The following CDH12 variants were observed in gnomAD, a reference collection of about 807,000 sequenced individuals.
CDH12 encodes the protein cadherin 12.
Under a neutral mutation model 74.1 loss-of-function variants are expected in CDH12, and 41 were observed. The ratio of observed to expected loss-of-function variants is 0.55; its 90% CI spans 0.43 to 0.72. The LOEUF (loss-of-function observed/expected upper bound fraction) is 0.72, where lower values mean the gene tolerates loss of function less well. Ranked by LOEUF, CDH12 falls within the 30% of genes least tolerant of loss-of-function variation. The pLI is 0.00. For synonymous variants in CDH12, 399 were observed against 355.0 expected (o/e 1.12, Z -1.39); for missense variants, 945 against 977.2 (o/e 0.97, Z 0.44).
At chr5:22,335,965 G>A (rs1739563814) in intron 3 of CDH12, among the ~76,000 whole-genome samples, 1 of 152,132 alleles carries the variant, frequency 6.6e-6, no homozygotes, top group South Asian at 2.1e-4. Context: ...ACTTCTTAGA[G>A]ACTTACTGAA....
intron 4 of CDH12, among the ~76,000 whole-genome samples, chr5:22,115,604 G>T (rs769590403): frequency 7.3e-5 from 11 of 151,160 alleles, no homozygotes; most frequent in Non-Finnish European, 1.3e-4. Flanking sequence ...CAATAAGTTT[G>T]ATATCAGGGC....
intron 1 of CDH12, among the ~76,000 whole-genome samples, chr5:22,807,918 T>C (rs1303964989): frequency 6.6e-6 from 1 of 152,156 alleles, no homozygotes; most frequent in African/African-American, 2.4e-5. Context: ...TGTACACTTA[T>C]GGGACATTCA....
chr5:22,468,079 AC>A (rs993004961), intron 2 of CDH12, among the ~76,000 whole-genome samples: 2 of 152,054 alleles, frequency 1.3e-5, no homozygotes, highest in Non-Finnish European at 2.9e-5. Context: ...AGGACCCAAT[AC>A]CCCCACCAGT....
At chr5:21,865,460 C>T (rs1433955694) in intron 6 of CDH12, among the ~76,000 whole-genome samples, 1 of 152,156 alleles carries the variant, frequency 6.6e-6, no homozygotes, top group Non-Finnish European at 1.5e-5. Context: ...CACCTCAAGG[C>T]TTCCTTTGCC....
chr5:21,974,153 G>A (rs150408206), intron 6 of CDH12, among the ~76,000 whole-genome samples: 635 of 152,238 alleles, frequency 4.2e-3, no homozygotes, highest in African/African-American at 0.015. Context: ...CTGGGTGGTG[G>A]TAGGAGCAGT....
At chr5:22,711,063 A>G (rs887181416) in intron 1 of CDH12, among the ~76,000 whole-genome samples, 2 of 137,054 alleles carry the variant, frequency 1.5e-5, no homozygotes, top group African/African-American at 5.2e-5. Flanking sequence ...TCCTTAGTAC[A>G]TTACGCAGTG....
chr5:22,070,216 A>C (rs1741853660), intron 5 of CDH12, among the ~76,000 whole-genome samples: 1 of 152,092 alleles, frequency 6.6e-6, no homozygotes, highest in South Asian at 2.1e-4. Context: ...AGATGAGTAA[A>C]CCCAAGGACT....
At chr5:22,267,616 T>C (rs1191023239) in intron 3 of CDH12, among the ~76,000 whole-genome samples, 1 of 152,178 alleles carries the variant, frequency 6.6e-6, no homozygotes, top group African/African-American at 2.4e-5. Context: ...AATGTATTTG[T>C]ATCATGCTCC....
At chr5:21,913,036 T>C (rs2150065132) in intron 6 of CDH12, among the ~76,000 whole-genome samples, 1 of 152,230 alleles carries the variant, frequency 6.6e-6, no homozygotes, top group South Asian at 2.1e-4. Flanking sequence ...AGATATGGGA[T>C]TTTACCATGT....
chr5:22,450,405 C>A (rs951149520), intron 2 of CDH12, among the ~76,000 whole-genome samples: 1 of 151,860 alleles, frequency 6.6e-6, no homozygotes, highest in Non-Finnish European at 1.5e-5. Context: ...AAAGTCTTCT[C>A]AATCTTGAAA....
chr5:22,577,675 T>C (rs1422338610), intron 1 of CDH12, among the ~76,000 whole-genome samples: 2 of 152,194 alleles, frequency 1.3e-5, no homozygotes, highest in Admixed American at 1.3e-4. Context: ...AGGGACATCA[T>C]GAGATAATTT....
At chr5:22,224,933 T>C (rs1236400400) in intron 3 of CDH12, among the ~76,000 whole-genome samples, 2 of 151,968 alleles carry the variant, frequency 1.3e-5, no homozygotes, top group Non-Finnish European at 2.9e-5. Flanking sequence ...TTTATATACA[T>C]TAATGTGTTT....
intron 1 of CDH12, among the ~76,000 whole-genome samples, chr5:22,813,948 T>C (rs1022945550): frequency 6.6e-6 from 1 of 152,124 alleles, no homozygotes; most frequent in Non-Finnish European, 1.5e-5. Flanking sequence ...GCAATAACTT[T>C]GTATTTTTTT....
chr5:21,840,995 A>T (rs1482415000), intron 8 of CDH12, among the ~76,000 whole-genome samples: 6 of 151,926 alleles, frequency 3.9e-5, no homozygotes, highest in Admixed American at 3.9e-4. Flanking sequence ...ACAAAAGCCA[A>T]AATTGACAAA....
chr5:22,327,712 GTCT>G (rs1209263071), intron 3 of CDH12, among the ~76,000 whole-genome samples: 2 of 152,122 alleles, frequency 1.3e-5, no homozygotes, highest in Admixed American at 6.5e-5. Flanking sequence ...TCTCTTTTCT[GTCT>G]TCTTCTTTTA....
rs1048524168 is a variant in CDH12, at chr5:21,976,700, T to C, written c.232-1315A>G. On this transcript the variant is annotated intron_variant, in intron 5 of 14. Transcript: ENST00000382254. Reference sequence around the variant, plus strand: ...GTAACAGCTTTTTCCAGACAACAGATCACCCAAAAGAAAAATAAACTTTTG... The same window carrying C: ...GTAACAGCTTTTTCCAGACAACAGACCACCCAAAAGAAAAATAAACTTTTG... Among the ~76,000 whole-genome samples the C allele has an allele frequency of 8.6e-5, 13 of 152,022 alleles. No individual in the cohort carries two copies. In the East Asian group the frequency reaches 2.5e-3, roughly 29 times the overall value.
At chr5:22,128,967 T>C (rs1219126479) in intron 4 of CDH12, among the ~76,000 whole-genome samples, 1 of 152,232 alleles carries the variant, frequency 6.6e-6, no homozygotes, top group Non-Finnish European at 1.5e-5. Flanking sequence ...TTCAAATTGT[T>C]CACATTTTGT....
chr5:22,190,258 A>G (rs931208026), intron 4 of CDH12, among the ~76,000 whole-genome samples: 10 of 152,074 alleles, frequency 6.6e-5, no homozygotes, highest in Non-Finnish European at 1.0e-4. Flanking sequence ...ATGACACTAC[A>G]TATAGACACA....
chr5:22,116,837 C>A (rs113774400), intron 4 of CDH12, among the ~76,000 whole-genome samples: 17 of 143,460 alleles, frequency 1.2e-4, no homozygotes, highest in African/African-American at 4.4e-4. Context: ...TATCTTCGTT[C>A]AGCTAGGCTG....
Sources: allele counts gnomAD v4.1 joint callset (sites outside exome capture counted in the v4.1 genomes callset), GRCh38; gene constraint gnomAD v4.1.1; transcripts MANE v1.5; gene names NCBI Gene and HGNC (gene_info 2026-07-23, HGNC 2026-07-21).